The following PTCH1 variants were observed in gnomAD, a reference collection of about 807,000 sequenced individuals.
The protein encoded by PTCH1 is protein patched homolog 1.
A neutral mutation model predicts 144.6 loss-of-function variants in PTCH1; 14 were observed. That is an observed-to-expected ratio of 0.10 (90% CI 0.06 to 0.15). The LOEUF (loss-of-function observed/expected upper bound fraction) is 0.15, where lower values mean the gene tolerates loss of function less well. Among genes scored for constraint, PTCH1 ranks in the 10% least tolerant of loss-of-function variants. The pLI, the probability that PTCH1 is intolerant of heterozygous loss-of-function variation, is 1.00. For synonymous variants in PTCH1, 833 were observed against 793.6 expected (o/e 1.05, Z -0.83); for missense variants, 1,623 against 1,948.3 (o/e 0.83, Z 3.14).
chr9:95,494,621 C>T (rs1842668464), intron 2 of PTCH1, among the ~76,000 whole-genome samples: 3 of 152,214 alleles, frequency 2.0e-5, no homozygotes, highest in Non-Finnish European at 4.4e-5. Flanking sequence ...CAGGTCCCGT[C>T]GCTCTGCAGG....
chr9:95,482,176 G>A lies in PTCH1; in HGVS notation c.612C>T (p.Tyr204=). Reference sequence around the variant, plus strand: ...TTTCTGTGATAAGCTCTCCTGATTTGTAACACAAATGTTCCAATTTCCACT... The same window carrying A: ...TTTCTGTGATAAGCTCTCCTGATTTATAACACAAATGTTCCAATTTCCACT... ...NRQWKLEHLC[Y]KSGELITETG... The change falls in exon 4 of 24, where the codon TAC becomes TAT. Residue 204 remains tyrosine, a synonymous_variant. Coordinates refer to ENST00000331920, the MANE Select transcript of PTCH1 (RefSeq NM_000264.5). 1 of 1,614,072 alleles carries A rather than the reference G, an allele frequency of 6.2e-7. No homozygotes were observed. Among genetic ancestry groups the A allele is most frequent in the South Asian group, 1.1e-5 (1 of 91,074 alleles).
At chr9:95,461,675 G>A (rs1839478666) in intron 16 of PTCH1, among the ~76,000 whole-genome samples, 181 bp downstream of exon 16, 1 of 152,238 alleles carries the variant, frequency 6.6e-6, no homozygotes, top group Non-Finnish European at 1.5e-5. Context: ...GCTGGCCTGA[G>A]GTCACACAAT....
intron 18 of PTCH1, 54 bp downstream of exon 18, chr9:95,457,959 A>G: frequency 6.2e-7 from 1 of 1,608,214 alleles, no homozygotes; most frequent in Non-Finnish European, 8.5e-7. Context: ...GGCTGCAGAA[A>G]GAGCTATGCT....
intron 2 of PTCH1, among the ~76,000 whole-genome samples, chr9:95,504,905 T>C (rs1486458168): frequency 1.3e-5 from 2 of 152,220 alleles, no homozygotes; most frequent in Admixed American, 6.5e-5. Flanking sequence ...GCTAGGGACA[T>C]CATAGGTGCT....
At chr9:95,473,586 C>T (rs1222692260) in intron 12 of PTCH1, among the ~76,000 whole-genome samples, 1 of 150,576 alleles carries the variant, frequency 6.6e-6, no homozygotes, top group Non-Finnish European at 1.5e-5. Context: ...GTTCTGTCAC[C>T]CAGGCTGGAG....
At chr9:95,450,017 A>G in intron 20 of PTCH1, 77 bp from the exon 21 acceptor site, 1 of 1,324,266 alleles carries the variant, frequency 7.6e-7, no homozygotes, top group South Asian at 1.2e-5. Context: ...CCGACACAGC[A>G]GCATGGCAAC....
At chr9:95,516,200 T>G (rs905859209) in intron 1 of PTCH1, among the ~76,000 whole-genome samples, 3 of 149,366 alleles carry the variant, frequency 2.0e-5, no homozygotes, top group Non-Finnish European at 4.5e-5. Context: ...GCCAGCCCCC[T>G]CCCCGCCACG....
chr9:95,496,959 G>GA lies in PTCH1; in HGVS notation c.394+9447dup, dbSNP rs199603087. Among the ~76,000 whole-genome samples, 177 of 151,530 alleles carry GA rather than the reference G, an allele frequency of 1.2e-3. 1 individual carries two copies. Among genetic ancestry groups the GA allele is most frequent in the African/African-American group, 4.0e-3 (166 of 41,334 alleles). ...GGGAATGTGGAAGAATTCACAAAAG[G>GA]AAAAAAAACAGCGGTGGGAGGAGAA... On this transcript the variant is annotated intron_variant, in intron 2 of 23. Coordinates refer to ENST00000331920, the MANE Select transcript of PTCH1 (RefSeq NM_000264.5).
Position 95,508,221 on chromosome 9 carries a change from C to G in PTCH1, c.141G>C (p.Arg47=), listed in dbSNP as rs587780693. Residue 47 remains arginine, a synonymous_variant, in exon 1 of 24, where the codon CGG becomes CGC. Transcript: ENST00000331920. Reference sequence around the variant, plus strand: ...AGTAGCTGGGCCGGTGCAGATAGTCCCGGTCCGGCGCGGCAGCACGGCGCA... The same window carrying G: ...AGTAGCTGGGCCGGTGCAGATAGTCGCGGTCCGGCGCGGCAGCACGGCGCA... ...GGLRRAAAPD[R]DYLHRPSYCD... 5.0e-6 allele frequency: 8 copies of G among 1,611,404 alleles called. No homozygotes were observed. The highest frequency in any genetic ancestry group is 6.8e-6 in the Non-Finnish European group (8 of 1,179,582).
intron 2 of PTCH1, 27 bp downstream of exon 2, chr9:95,506,380 C>CGCAGGCGCCGCG: frequency 6.2e-7 from 1 of 1,605,590 alleles, no homozygotes; most frequent in Non-Finnish European, 8.5e-7. Context: ...GGGCCGGGGG[C>CGCAGGCGCCGCG]GCGGGCGCCG....
In PTCH1 at chr9:95,480,008, A is replaced by G. The variant is rs962982192; in HGVS notation, c.1028T>C (p.Val343Ala). The change falls in exon 7 of 24, where the codon GTG becomes GCG. Residue 343 changes from valine (V) to alanine (A), a missense_variant. Transcript: ENST00000331920. ...AGTGCTGTTCTTGACTGTGCCACCC[A>G]CAATCAACTCCTCCTGCCAGTGCAT... ...KYMHWQEELI[V>A]GGTVKNSTGK... The G allele has an allele frequency of 5.6e-6, 9 of 1,613,970 alleles. No homozygotes were observed. In the East Asian group the frequency reaches 1.6e-4, roughly 28 times the overall value.
At chr9:95,505,162 G>A (rs141248305) in intron 2 of PTCH1, among the ~76,000 whole-genome samples, 1 of 152,314 alleles carries the variant, frequency 6.6e-6, no homozygotes, top group Non-Finnish European at 1.5e-5. Context: ...TCTGCAAGCT[G>A]AATCTTCACA....
chr9:95,507,905 T>C lies in PTCH1; in HGVS notation c.201+256A>G, dbSNP rs1446931788. ...AGGCACACCAGGGAGGGCGTGTGTA[T>C]ACACACACACACACGCACACACACA... On this transcript the variant is annotated intron_variant, in intron 1 of 23. Coordinates refer to ENST00000331920, the MANE Select transcript of PTCH1 (RefSeq NM_000264.5). 30 of 1,286,442 alleles carry C rather than the reference T, an allele frequency of 2.3e-5. No individual in the cohort carries two copies. The East Asian group carries it at 4.6e-4, about 20-fold the overall frequency. The allele number at this position is 1,286,442 out of a possible 1,614,324, so 79.7% of individuals were successfully genotyped here. A position where few individuals can be genotyped will look rare whatever the true frequency, so the allele number is the denominator to read the frequency against.
Position 95,459,581 on chromosome 9 carries a change from C to G in PTCH1, c.2887+19G>C, listed in dbSNP as rs778051088. ...GCACCTCTGTAAGTTCCCAGACCTC[C>G]CGATAAAACGCTACTTACTTCTCAG... On this transcript the variant is annotated intron_variant, in intron 17 of 23. Transcript: ENST00000331920. The G allele has an allele frequency of 1.8e-5, 29 of 1,612,722 alleles. 1 individual carries two copies. The South Asian group carries it at 2.9e-4, about 16-fold the overall frequency.
At chr9:95,499,758 A>G (rs1587673092) in intron 2 of PTCH1, among the ~76,000 whole-genome samples, 1 of 152,178 alleles carries the variant, frequency 6.6e-6, no homozygotes, top group South Asian at 2.1e-4. Context: ...TAATATTTCC[A>G]TATTTGTTTT....
chr9:95,453,313 G>A (rs1029363447), intron 20 of PTCH1, 165 bp downstream of exon 20: 2 of 980,162 alleles, frequency 2.0e-6, no homozygotes, highest in East Asian at 5.4e-5. Flanking sequence ...TGTATTTTGA[G>A]TGGAGATGAG....
At chr9:95,506,846 T>C in intron 1 of PTCH1, 1 of 1,168,808 alleles carries the variant, frequency 8.6e-7, no homozygotes, top group Non-Finnish European at 1.1e-6. Flanking sequence ...ACCCGCGGGA[T>C]CCCTGAGCGA....
chr9:95,487,681 C>T (rs28504341), intron 2 of PTCH1, among the ~76,000 whole-genome samples: 28,063 of 152,240 alleles, frequency 0.18, 3,090 homozygotes, highest in Non-Finnish European at 0.24. Flanking sequence ...AGCTTTTGCT[C>T]ACCCTTTCTT....
At chr9:95,497,649 G>A (rs556265381) in intron 2 of PTCH1, among the ~76,000 whole-genome samples, 2 of 152,232 alleles carry the variant, frequency 1.3e-5, no homozygotes, top group South Asian at 4.2e-4. Context: ...AGATGCTGCT[G>A]TGACAAGAGC....
Sources: allele counts gnomAD v4.1 joint callset (sites outside exome capture counted in the v4.1 genomes callset), GRCh38; gene constraint gnomAD v4.1.1; transcripts MANE v1.5; gene names NCBI Gene and HGNC (gene_info 2026-07-23, HGNC 2026-07-21).